Variants in PRTG observed in about 807,000 individuals in gnomAD.
PRTG encodes the protein protogenin, also known as immunoglobulin superfamily, DCC subclass, member 5.
In PRTG, 67 loss-of-function variants were observed where a neutral mutation model predicts 122.5. The observed-to-expected ratio is 0.55, with a 90% CI of 0.45 to 0.67. PRTG has a LOEUF of 0.67. Ranked by LOEUF, PRTG falls within the 30% of genes least tolerant of loss-of-function variation. The pLI is 0.00. For synonymous variants in PRTG, 554 were observed against 501.1 expected (o/e 1.11, Z -1.41); for missense variants, 1,435 against 1,415.4 (o/e 1.01, Z -0.22).
At position 55,617,749 on chromosome 15, in the gene PRTG, G is replaced by C. The variant is rs1044006804; in HGVS notation, c.*2263C>G. On this transcript the variant is annotated 3_prime_UTR_variant, in exon 20 of 20. Coordinates refer to ENST00000389286, the MANE Select transcript of PRTG (RefSeq NM_173814.6). ...TCTTTTTAGCCATTTAAAACCACTC[G>C]AATTCATGTAGTCCTAGACACATCT... 2.0e-5 allele frequency: 3 copies of C among 152,044 alleles called. No individual in the cohort carries two copies. Among genetic ancestry groups the C allele is most frequent in the African/African-American group, 7.2e-5 (3 of 41,406 alleles). 9.4% of individuals were successfully genotyped at this position (152,044 alleles called of 1,614,324 possible). A position where few individuals can be genotyped will look rare whatever the true frequency, so the allele number is the denominator to read the frequency against.
intron 7 of PRTG, among the ~76,000 whole-genome samples, chr15:55,678,318 T>C (rs2059515587): frequency 1.3e-5 from 2 of 152,160 alleles, no homozygotes; most frequent in South Asian, 4.1e-4. Context: ...CACAGCTCAC[T>C]GCGGCCTCAA....
At chr15:55,672,004 G>A (rs1274380602) in intron 11 of PRTG, among the ~76,000 whole-genome samples, 4 of 152,152 alleles carry the variant, frequency 2.6e-5, no homozygotes, top group Middle Eastern at 3.2e-3. Context: ...TGGGTCATAT[G>A]TAAGGGCATT....
At chr15:55,625,073 T>C (rs1243465529) in intron 17 of PRTG, among the ~76,000 whole-genome samples, 1 of 152,204 alleles carries the variant, frequency 6.6e-6, no homozygotes, top group Non-Finnish European at 1.5e-5. Context: ...GAAAAATCTA[T>C]GCTAATGGAG....
intron 2 of PRTG, chr15:55,702,819 C>T: frequency 9.0e-6 from 6 of 669,726 alleles, no homozygotes; most frequent in Non-Finnish European, 1.1e-5. Context: ...CACACACACA[C>T]AACCTGAAAA....
chr15:55,661,939 A>T (rs574043699), intron 11 of PRTG, among the ~76,000 whole-genome samples: 12 of 151,798 alleles, frequency 7.9e-5, no homozygotes, highest in Non-Finnish European at 1.8e-4. Context: ...TTTTGTTCAC[A>T]TTTTTCACCT....
At chr15:55,680,313 T>A (rs543357780) in intron 5 of PRTG, 101 bp from the exon 6 acceptor site, 601 of 1,181,628 alleles carry the variant, frequency 5.1e-4, no homozygotes, top group Non-Finnish European at 6.7e-4. Context: ...AAGTATAAAA[T>A]TAAATATAAA....
At chr15:55,660,525 T>A (rs1469681446) in intron 11 of PRTG, among the ~76,000 whole-genome samples, 2 of 152,190 alleles carry the variant, frequency 1.3e-5, no homozygotes, top group African/African-American at 4.8e-5. Context: ...CTTCCTTCTC[T>A]AAGGAGATGC....
Position 55,619,864 on chromosome 15 carries a change from G to C in PRTG, c.*148C>G, listed in dbSNP as rs2059156506. 7.3e-7 allele frequency: 1 copy of C among 1,366,694 alleles called. No individual in the cohort carries two copies. The highest frequency in any genetic ancestry group is 1.5e-5 in the African/African-American group (1 of 68,838). 84.7% of individuals were successfully genotyped at this position (1,366,694 alleles called of 1,614,324 possible). On this transcript the variant is annotated 3_prime_UTR_variant, in exon 20 of 20. Coordinates refer to ENST00000389286, the MANE Select transcript of PRTG (RefSeq NM_173814.6). ...GAGAATACCTGAGCATGGCCGTCTA[G>C]ATTGGAAAATCATTTTTATCAAAGC...
chr15:55,741,818 T>C (rs1365890869), intron 1 of PRTG, among the ~76,000 whole-genome samples: 2 of 152,248 alleles, frequency 1.3e-5, no homozygotes, highest in Non-Finnish European at 2.9e-5. Context: ...AGCCCAGCGC[T>C]GTGCGCGGAC....
rs1309774831 is a variant in PRTG, at chr15:55,615,140, T to C, written c.*4872A>G. On this transcript the variant is annotated 3_prime_UTR_variant, in exon 20 of 20. Coordinates refer to ENST00000389286, the MANE Select transcript of PRTG (RefSeq NM_173814.6). ...GATGCTACATGGCTGGCTTTGAAGA[T>C]GGAAGGAGGGGTTCCCAGCCTTAAA... 1 of 152,072 alleles carries C rather than the reference T, an allele frequency of 6.6e-6. No individual in the cohort carries two copies. The highest frequency in any genetic ancestry group is 1.9e-4 in the East Asian group (1 of 5,188). The allele number at this position is 152,072 out of a possible 1,614,324, so 9.4% of individuals were successfully genotyped here. A position where few individuals can be genotyped will look rare whatever the true frequency, so the allele number is the denominator to read the frequency against.
At position 55,713,010 on chromosome 15, in the gene PRTG, A is replaced by G. The variant is rs545735284; in HGVS notation, c.397+27372T>C. On this transcript the variant is annotated intron_variant, in intron 2 of 19. Transcript: ENST00000389286. ...CAAATAATAAATAGCACTTCGCAAT[A>G]TTTGTTCCAGAATTTTCAAAAAAGA... is the stretch of plus-strand genomic sequence containing the variant. Among the ~76,000 whole-genome samples the G allele has an allele frequency of 4.6e-5, 7 of 152,334 alleles. No homozygotes were observed. The East Asian group carries it at 1.3e-3, about 29-fold the overall frequency.
intron 2 of PRTG, among the ~76,000 whole-genome samples, chr15:55,701,258 C>A (rs367770367): frequency 6.6e-6 from 1 of 152,038 alleles, no homozygotes; most frequent in Non-Finnish European, 1.5e-5. Context: ...CATTCTTGGC[C>A]GGGCGCGGTG....
chr15:55,707,922 T>C (rs1390321371), intron 2 of PRTG, among the ~76,000 whole-genome samples: 1 of 152,174 alleles, frequency 6.6e-6, no homozygotes, highest in Non-Finnish European at 1.5e-5. Context: ...CATGGCTTAA[T>C]AGAGACCCTG....
intron 2 of PRTG, among the ~76,000 whole-genome samples, chr15:55,738,002 CTATA>C (rs1178371931): frequency 0.015 from 1,471 of 96,452 alleles, 30 homozygotes; most frequent in South Asian, 0.028. Flanking sequence ...CTCTCTCTCT[CTATA>C]TATATATATA....
intron 2 of PRTG, among the ~76,000 whole-genome samples, chr15:55,709,235 C>T (rs1252646438): frequency 7.0e-6 from 1 of 143,584 alleles, no homozygotes; most frequent in Non-Finnish European, 1.5e-5. Context: ...TCTTTATGGC[C>T]GTAATTATGA....
At chr15:55,657,138 AATT>A (rs2059384882) in intron 11 of PRTG, among the ~76,000 whole-genome samples, 1 of 152,224 alleles carries the variant, frequency 6.6e-6, no homozygotes, top group South Asian at 2.1e-4. Flanking sequence ...GAATTACTAT[AATT>A]AAAATAATCC....
intron 2 of PRTG, among the ~76,000 whole-genome samples, chr15:55,736,734 A>G (rs2031425026): frequency 3.3e-5 from 5 of 152,204 alleles, no homozygotes. Context: ...AAAGGGTCAC[A>G]TAAAAAATTA....
chr15:55,686,434 C>A (rs1054850619), intron 2 of PRTG, among the ~76,000 whole-genome samples: 1 of 152,072 alleles, frequency 6.6e-6, no homozygotes, highest in Non-Finnish European at 1.5e-5. Flanking sequence ...AGAAGCTCCC[C>A]CAGCCTGTCC....
rs924064464 is a variant in PRTG at position 55,616,773 on chromosome 15, A to G, written c.*3239T>C. 1 of 152,158 alleles carries G rather than the reference A, an allele frequency of 6.6e-6. No homozygotes were observed. Among genetic ancestry groups the G allele is most frequent in the Admixed American group, 6.6e-5 (1 of 15,264 alleles). 9.4% of individuals were successfully genotyped at this position (152,158 alleles called of 1,614,324 possible). On this transcript the variant is annotated 3_prime_UTR_variant, in exon 20 of 20. Transcript: ENST00000389286. ...TGAATAAAAACACTGATAAATACCA[A>G]TATAATTGTATTGCTTTTAATTATG...
Sources: allele counts gnomAD v4.1 joint callset (sites outside exome capture counted in the v4.1 genomes callset), GRCh38; gene constraint gnomAD v4.1.1; transcripts MANE v1.5; gene names NCBI Gene and HGNC (gene_info 2026-07-23, HGNC 2026-07-21).